TTC28: variants seen among roughly 807,000 people sequenced by gnomAD.
The protein encoded by TTC28 is tetratricopeptide repeat domain 28, also known as tetratricopeptide repeat protein 28.
In TTC28, 61 loss-of-function variants were observed where a neutral mutation model predicts 198.0. The observed-to-expected ratio is 0.31, with a 90% CI of 0.25 to 0.38. The LOEUF (loss-of-function observed/expected upper bound fraction) is 0.38. TTC28 is among the 10% of genes least tolerant of loss of function. The pLI is 1.00. For synonymous variants in TTC28, 1,171 were observed against 1,297.8 expected (o/e 0.90, Z 2.10); for missense variants, 2,678 against 3,164.0 (o/e 0.85, Z 3.69).
At chr22:28,474,008 C>T (rs908053460) in intron 2 of TTC28, among the ~76,000 whole-genome samples, 8 of 152,154 alleles carry the variant, frequency 5.3e-5, no homozygotes, top group African/African-American at 1.7e-4. Flanking sequence ...TACTTTGTTA[C>T]AGGAGCCTTA....
At chr22:28,477,804 G>T (rs896499673) in intron 2 of TTC28, among the ~76,000 whole-genome samples, 1 of 152,154 alleles carries the variant, frequency 6.6e-6, no homozygotes, top group African/African-American at 2.4e-5. Flanking sequence ...TCGTACAACT[G>T]GTCTTTGTTC....
In TTC28 at chr22:28,101,202, G is replaced by A. The variant is rs185958055; in HGVS notation, c.3386C>T (p.Ala1129Val). The A allele has an allele frequency of 9.7e-6, 15 of 1,551,580 alleles. No individual in the cohort carries two copies. The Middle Eastern group carries it at 6.7e-4, about 69-fold the overall frequency. Residue 1129 changes from alanine to valine, a missense_variant, in exon 9 of 23, where the codon GCT becomes GTT. This residue lies in a region of TTC28 where 727 missense variants were observed against 861.9 expected (regional missense o/e 0.84). Transcript: ENST00000397906. ...IRHGLGLSLW[A>V]SGNLEEAQHQ... ...TTGGGCCTCCTCCAAGTTTCCACTA[G>A]CCCAAAGGGAGAGGCCAAGGCCATG... is the stretch of plus-strand genomic sequence containing the variant.
chr22:28,472,038 A>T (rs1045906998), intron 2 of TTC28, among the ~76,000 whole-genome samples: 1 of 152,194 alleles, frequency 6.6e-6, no homozygotes, highest in Non-Finnish European at 1.5e-5. Context: ...ACAATATCAC[A>T]AACCTTTCTT....
intron 14 of TTC28, among the ~76,000 whole-genome samples, chr22:28,006,027 G>A (rs1474468162): frequency 6.6e-6 from 1 of 152,174 alleles, no homozygotes; most frequent in Non-Finnish European, 1.5e-5. Context: ...TGGACCCAGA[G>A]GATGAAAAGC....
chr22:28,358,058 G>T (rs1332096353), intron 2 of TTC28, among the ~76,000 whole-genome samples: 1 of 152,126 alleles, frequency 6.6e-6, no homozygotes, highest in African/African-American at 2.4e-5. Context: ...TCCAGATAAT[G>T]AAATTGTTGC....
intron 2 of TTC28, among the ~76,000 whole-genome samples, chr22:28,557,715 T>A (rs995009072): frequency 6.6e-6 from 1 of 152,244 alleles, no homozygotes; most frequent in Non-Finnish European, 1.5e-5. Context: ...TTGGTCATCT[T>A]GGATTGTGAC....
At chr22:28,210,180 T>G (rs955591151) in intron 5 of TTC28, among the ~76,000 whole-genome samples, 4 of 152,080 alleles carry the variant, frequency 2.6e-5, no homozygotes, top group African/African-American at 7.2e-5. Context: ...ACCACAAAGA[T>G]GCGGAGACAC....
chr22:28,532,629 C>T (rs971008930), intron 2 of TTC28, among the ~76,000 whole-genome samples: 139 of 152,246 alleles, frequency 9.1e-4, no homozygotes, highest in African/African-American at 3.1e-3. Flanking sequence ...GACCATTATC[C>T]GTGATGAACA....
chr22:28,142,634 C>G (rs920616034), intron 6 of TTC28, among the ~76,000 whole-genome samples: 1 of 152,070 alleles, frequency 6.6e-6, no homozygotes, highest in Non-Finnish European at 1.5e-5. Flanking sequence ...AGCAAAAGAG[C>G]TGAGGAAACA....
chr22:28,245,255 G>C (rs1391715029), intron 5 of TTC28, among the ~76,000 whole-genome samples: 1 of 152,130 alleles, frequency 6.6e-6, no homozygotes, highest in Non-Finnish European at 1.5e-5. Flanking sequence ...AGTTTCTCAT[G>C]CTTTATAATG....
intron 2 of TTC28, among the ~76,000 whole-genome samples, chr22:28,627,237 A>G (rs1417023639): frequency 6.6e-6 from 1 of 152,118 alleles, no homozygotes; most frequent in Non-Finnish European, 1.5e-5. Flanking sequence ...TACAAGTTAA[A>G]AATTATCTCC....
intron 2 of TTC28, among the ~76,000 whole-genome samples, chr22:28,430,944 T>C (rs2047420909): frequency 6.6e-6 from 1 of 150,940 alleles, no homozygotes; most frequent in South Asian, 2.1e-4. Flanking sequence ...TTGCCTAGAA[T>C]GTACTCCCTC....
intron 2 of TTC28, among the ~76,000 whole-genome samples, chr22:28,496,942 C>T (rs1199229618): frequency 2.0e-5 from 3 of 152,286 alleles, no homozygotes; most frequent in East Asian, 1.9e-4. Flanking sequence ...AGCCATTGCA[C>T]TTATGAATCC....
chr22:28,563,187 T>C (rs2049917174), intron 2 of TTC28, among the ~76,000 whole-genome samples: 2 of 152,194 alleles, frequency 1.3e-5, no homozygotes, highest in African/African-American at 4.8e-5. Context: ...AGAAATATTT[T>C]AAACTAACAT....
intron 2 of TTC28, among the ~76,000 whole-genome samples, chr22:28,560,926 T>A (rs2049862783): frequency 6.6e-6 from 1 of 151,220 alleles, no homozygotes; most frequent in African/African-American, 2.4e-5. Context: ...CCAGCTAATT[T>A]TTGTAATTTT....
chr22:28,260,105 T>C (rs1271384274), intron 5 of TTC28, among the ~76,000 whole-genome samples: 5 of 152,186 alleles, frequency 3.3e-5, no homozygotes, highest in Non-Finnish European at 7.4e-5. Flanking sequence ...GATGTAATAA[T>C]TTATTAGGAA....
intron 2 of TTC28, among the ~76,000 whole-genome samples, chr22:28,344,054 T>C (rs2045872064): frequency 6.6e-6 from 1 of 151,980 alleles, no homozygotes; most frequent in Admixed American, 6.6e-5. Flanking sequence ...GTCTCATTCT[T>C]ACAGTTATTT....
intron 5 of TTC28, among the ~76,000 whole-genome samples, chr22:28,192,103 C>T (rs936654844): frequency 6.6e-6 from 1 of 152,164 alleles, no homozygotes; most frequent in African/African-American, 2.4e-5. Context: ...TCCAGAGGAA[C>T]GATCAGGCAG....
At chr22:28,534,106 C>G (rs1487182127) in intron 2 of TTC28, among the ~76,000 whole-genome samples, 1 of 152,080 alleles carries the variant, frequency 6.6e-6, no homozygotes, top group African/African-American at 2.4e-5. Flanking sequence ...AAGAAAGTAC[C>G]ATCAGAGTAA....
Sources: gnomAD v4.1 joint callset for allele counts (sites outside exome capture counted in the v4.1 genomes callset) on GRCh38, gnomAD v4.1.1 for gene constraint, gnomAD v4.1.1 regional missense constraint, MANE v1.5 for transcripts, NCBI Gene and HGNC (gene_info 2026-07-23, HGNC 2026-07-21) for gene names.